Variants in SOX5 observed in about 807,000 individuals in gnomAD.
SOX5 encodes transcription factor SOX-5.
Under a neutral mutation model 92.0 loss-of-function variants are expected in SOX5, and 9 were observed. The observed-to-expected ratio is 0.10, with a 90% CI of 0.06 to 0.17. SOX5 has a LOEUF of 0.17. Among genes scored for constraint, SOX5 ranks in the 10% least tolerant of loss-of-function variants. The pLI, the probability that SOX5 is intolerant of heterozygous loss-of-function variation, is 1.00. For synonymous variants in SOX5, 344 were observed against 336.3 expected, an observed-to-expected ratio of 1.02 and a Z score of -0.25; for missense variants, 642 against 944.5, an observed-to-expected ratio of 0.68 and a Z score of 4.20.
chr12:24,436,061 C>T (rs1327791798), intron 1 of SOX5, among the ~76,000 whole-genome samples: 1 of 152,112 alleles, frequency 6.6e-6, no homozygotes. Context: ...CCAGCCATTC[C>T]CCCATTTCTC....
intron 4 of SOX5, among the ~76,000 whole-genome samples, chr12:24,008,519 G>T (rs1952570046): frequency 6.6e-6 from 1 of 151,836 alleles, no homozygotes; most frequent in Non-Finnish European, 1.5e-5. Context: ...ATATATTTTT[G>T]AGGTCTAGTT....
intron 6 of SOX5, among the ~76,000 whole-genome samples, chr12:23,694,726 G>A (rs1057178768): frequency 1.1e-4 from 17 of 152,120 alleles, no homozygotes; most frequent in African/African-American, 3.9e-4. Context: ...CAATGAATAA[G>A]CTTTTTATCA....
chr12:23,548,183 T>C (rs1943504621), intron 11 of SOX5, among the ~76,000 whole-genome samples: 2 of 151,988 alleles, frequency 1.3e-5, no homozygotes, highest in Non-Finnish European at 2.9e-5. Context: ...GAGTTTTCCA[T>C]TCTGAAGCAA....
intron 1 of SOX5, among the ~76,000 whole-genome samples, chr12:24,432,551 ACACCTGTAATCC>A (rs537011457): frequency 1.3e-5 from 2 of 152,296 alleles, no homozygotes; most frequent in South Asian, 4.1e-4. Flanking sequence ...GCGGTGGCTC[ACACCTGTAATCC>A]CAGCACTTTG....
chr12:23,548,504 C>T (rs1356185188), intron 11 of SOX5, among the ~76,000 whole-genome samples: 1 of 150,908 alleles, frequency 6.6e-6, no homozygotes, highest in Non-Finnish European at 1.5e-5. Context: ...TTTCTCGTAA[C>T]CCTTTGTATA....
intron 1 of SOX5, among the ~76,000 whole-genome samples, chr12:24,548,265 C>T (rs1370731893): frequency 6.6e-6 from 1 of 152,178 alleles, no homozygotes; most frequent in Non-Finnish European, 1.5e-5. Flanking sequence ...ATGCTCACAA[C>T]ATGATTACAA....
At chr12:23,698,904 A>C (rs2090248917) in intron 6 of SOX5, among the ~76,000 whole-genome samples, 1 of 152,142 alleles carries the variant, frequency 6.6e-6, no homozygotes, top group African/African-American at 2.4e-5. Context: ...ATACAACCCT[A>C]CCCTCTACAT....
chr12:24,548,703 A>C (rs1952878486), intron 1 of SOX5, among the ~76,000 whole-genome samples: 1 of 152,174 alleles, frequency 6.6e-6, no homozygotes, highest in African/African-American at 2.4e-5. Flanking sequence ...TGTTTCTGAA[A>C]TCCTTCCTCT....
chr12:24,139,763 C>T (rs1298097715), intron 4 of SOX5, among the ~76,000 whole-genome samples: 2 of 152,086 alleles, frequency 1.3e-5, no homozygotes, highest in Admixed American at 1.3e-4. Flanking sequence ...TTCTTTTTAG[C>T]CAATGGAGTC....
intron 1 of SOX5, among the ~76,000 whole-genome samples, chr12:24,402,687 G>A (rs1962023585): frequency 6.6e-6 from 1 of 152,112 alleles, no homozygotes; most frequent in Non-Finnish European, 1.5e-5. Context: ...CATAACAGAG[G>A]TGTAGCAGTA....
intron 2 of SOX5, among the ~76,000 whole-genome samples, chr12:23,848,550 G>A (rs1249806461): frequency 6.6e-6 from 1 of 152,132 alleles, no homozygotes; most frequent in Non-Finnish European, 1.5e-5. Flanking sequence ...TTCAGTGTGG[G>A]ACACTGTTGT....
intron 4 of SOX5, among the ~76,000 whole-genome samples, chr12:23,965,942 G>A (rs184532720): frequency 6.8e-4 from 103 of 151,998 alleles, no homozygotes; most frequent in African/African-American, 2.3e-3. Flanking sequence ...TTTATAATTG[G>A]CTATGTAGTA....
At chr12:23,610,208 A>G (rs1000013036) in intron 8 of SOX5, among the ~76,000 whole-genome samples, 1 of 152,164 alleles carries the variant, frequency 6.6e-6, no homozygotes, top group African/African-American at 2.4e-5. Flanking sequence ...AAATTCTACA[A>G]TCAGCTTATT....
chr12:24,007,069 G>T (rs1003905353), intron 4 of SOX5, among the ~76,000 whole-genome samples: 1 of 147,620 alleles, frequency 6.8e-6, no homozygotes, highest in East Asian at 2.0e-4. Flanking sequence ...GGAGGTGGAG[G>T]TTGCAGTGAG....
chr12:23,840,419 T>C (rs541111217), intron 3 of SOX5, among the ~76,000 whole-genome samples: 1 of 152,238 alleles, frequency 6.6e-6, no homozygotes, highest in Admixed American at 6.5e-5. Context: ...CAACATGATC[T>C]AGAGGTATAA....
Position 24,079,503 on chromosome 12 carries a change from TTTTA to T in SOX5, c.-2+133836_-2+133839del, listed in dbSNP as rs1260243153. 9.9e-5 allele frequency among the ~76,000 whole-genome samples: 15 copies of T among 152,040 alleles called. 1 individual carries two copies. The East Asian group carries it at 1.5e-3, about 16-fold the overall frequency. The stretch of plus-strand genomic sequence containing the variant: ...TAAATTAAGGGGGATGTTTTTATTG[TTTTA>T]TTTATTTTTATTAAATGAGAGAACA... On this transcript the variant is annotated intron_variant, in intron 4 of 4. Transcript: ENST00000446891.
intron 3 of SOX5, among the ~76,000 whole-genome samples, chr12:24,272,642 T>G (rs1326682829): frequency 6.6e-6 from 1 of 152,236 alleles, no homozygotes; most frequent in African/African-American, 2.4e-5. Context: ...TGTTTTAATC[T>G]GTATTAAATT....
At chr12:24,453,656 T>A (rs574121432) in intron 1 of SOX5, among the ~76,000 whole-genome samples, 4 of 152,326 alleles carry the variant, frequency 2.6e-5, no homozygotes, top group African/African-American at 9.6e-5. Context: ...GGTGTGATCC[T>A]GAGCACATTC....
intron 4 of SOX5, among the ~76,000 whole-genome samples, chr12:24,058,281 C>T (rs1295581709): frequency 2.0e-5 from 3 of 152,244 alleles, no homozygotes; most frequent in Non-Finnish European, 4.4e-5. Flanking sequence ...CATTTTAAAC[C>T]GATGTGCACA....
Sources: gnomAD v4.1 joint callset for allele counts (sites outside exome capture counted in the v4.1 genomes callset) on GRCh38, gnomAD v4.1.1 for gene constraint, MANE v1.5 for transcripts, NCBI Gene and HGNC (gene_info 2026-07-23, HGNC 2026-07-21) for gene names.